Variants in ETFDH observed in about 807,000 individuals in gnomAD.
The protein encoded by ETFDH is electron transfer flavoprotein-ubiquinone oxidoreductase, mitochondrial.
ETFDH carries 61 observed loss-of-function variants against 73.2 expected under a neutral mutation model. The observed-to-expected ratio is 0.83, with a 90% CI of 0.68 to 1.03. The LOEUF is 1.03. Ranked by LOEUF, ETFDH falls within the 50% of genes least tolerant of loss-of-function variation. The probability of loss-of-function intolerance (pLI) is 0.00; values close to 1 mark genes in which losing one functional copy is unlikely to be tolerated. For synonymous variants in ETFDH, 243 were observed against 253.3 expected (o/e 0.96, Z 0.39); for missense variants, 685 against 745.0 (o/e 0.92, Z 0.94).
intron 1 of ETFDH, among the ~76,000 whole-genome samples, chr4:158,676,371 T>C (rs2150302482): frequency 6.6e-6 from 1 of 152,264 alleles, no homozygotes; most frequent in South Asian, 2.1e-4. Context: ...TCTCAAGTAG[T>C]GATCCTAGAT....
rs141180629 is a variant in ETFDH, at chr4:158,708,437, T to C, written c.1764T>C (p.His588=). 143 of 1,611,504 alleles carry C rather than the reference T, an allele frequency of 8.9e-5. No homozygotes were observed. The highest frequency in any genetic ancestry group is 1.3e-4 in the South Asian group (12 of 91,052). The change falls in exon 13 of 13, where the codon CAT becomes CAC. Residue 588 remains histidine (H), a synonymous_variant. Coordinates refer to ENST00000511912, the MANE Select transcript of ETFDH (RefSeq NM_004453.4). The part of the protein sequence containing the change: ...RLQINAQNCV[H]CKTCDIKDPS... The stretch of plus-strand genomic sequence containing the variant: ...AGATAAATGCTCAGAACTGTGTACA[T>C]TGTAAAACATGTGATATTAAAGATC...
At chr4:158,689,669 T>A (rs967338512) in intron 5 of ETFDH, among the ~76,000 whole-genome samples, 1 of 137,594 alleles carries the variant, frequency 7.3e-6, no homozygotes, top group Non-Finnish European at 1.5e-5. Context: ...CCATTGCTGC[T>A]AATCTTTTCT....
At chr4:158,693,758 C>T (rs1774239090) in intron 6 of ETFDH, among the ~76,000 whole-genome samples, 1 of 152,150 alleles carries the variant, frequency 6.6e-6, no homozygotes, top group African/African-American at 2.4e-5. Flanking sequence ...CCTTTTTTAA[C>T]TTAATATATA....
In ETFDH at chr4:158,709,622, A is replaced by G; in HGVS notation, c.*1095A>G. On this transcript the variant is annotated 3_prime_UTR_variant, in exon 13 of 13. Transcript: ENST00000511912. ...CAGTACTCCTAAACTGTAAACAGTA[A>G]GGAACTAAGGTGTCAAAAGAAACAC... is the stretch of plus-strand genomic sequence containing the variant. 1.4e-6 allele frequency: 1 copy of G among 710,254 alleles called. No individual in the cohort carries two copies. Among genetic ancestry groups the G allele is most frequent in the Non-Finnish European group, 2.3e-6 (1 of 429,796 alleles). The allele number at this position is 710,254 out of a possible 1,614,324, so 44.0% of individuals were successfully genotyped here.
In ETFDH at chr4:158,709,019, TTG is replaced by T. The variant is rs55861035; in HGVS notation, c.*530_*531del. The T allele has an allele frequency of 3.2e-3, 483 of 150,648 alleles. 1 individual carries two copies. Among genetic ancestry groups the T allele is most frequent in the Middle Eastern group, 6.9e-3 (2 of 288 alleles). 9.3% of individuals were successfully genotyped at this position (150,648 alleles called of 1,614,324 possible). On this transcript the variant is annotated 3_prime_UTR_variant, in exon 13 of 13. Coordinates refer to ENST00000511912, the MANE Select transcript of ETFDH (RefSeq NM_004453.4). ...GAAGTATGCCCATCCCTGAACAAGT[TTG>T]TGTGTGTGTGTGTGTGTGTGTGTGT...
At chr4:158,706,100 T>G in intron 10 of ETFDH, 89 bp from the exon 11 acceptor site, 1 of 904,602 alleles carries the variant, frequency 1.1e-6, no homozygotes, top group African/African-American at 1.6e-5. Flanking sequence ...AAAACTTCAC[T>G]CATCAGCTAT....
At chr4:158,686,979 C>T (rs1308113815) in intron 5 of ETFDH, among the ~76,000 whole-genome samples, 2 of 152,270 alleles carry the variant, frequency 1.3e-5, no homozygotes, top group South Asian at 2.1e-4. Context: ...AGTTATATGC[C>T]TTTCTTGGTA....
intron 2 of ETFDH, chr4:158,681,845 G>GTA (rs1773867213): frequency 2.9e-6 from 1 of 349,140 alleles, no homozygotes; most frequent in African/African-American, 2.1e-5. Context: ...TATACTCTAT[G>GTA]ATGTTTGCAA....
chr4:158,690,247 G>C (rs1640582658), intron 5 of ETFDH, 101 bp from the exon 6 acceptor site: 1 of 734,730 alleles, frequency 1.4e-6, no homozygotes, highest in African/African-American at 1.8e-5. Flanking sequence ...ATAATCTAGA[G>C]AAGATGTTCA....
At chr4:158,686,680 C>G (rs926826874) in intron 5 of ETFDH, among the ~76,000 whole-genome samples, 3 of 152,162 alleles carry the variant, frequency 2.0e-5, no homozygotes, top group African/African-American at 7.2e-5. Flanking sequence ...GTTTCTATGA[C>G]TCAACCTTGA....
rs1774714975 is a variant in ETFDH, at chr4:158,708,789, G to A, written c.*262G>A. On this transcript the variant is annotated 3_prime_UTR_variant, in exon 13 of 13. Transcript: ENST00000511912. ...AGTACCAAGAGCAAAATTCACTACT[G>A]GACTTTACATTTGACTTGCCAAAGT... 5.1e-6 allele frequency: 2 copies of A among 390,324 alleles called. No individual in the cohort carries two copies. Among genetic ancestry groups the A allele is most frequent in the Non-Finnish European group, 4.7e-6 (1 of 214,014 alleles). The allele number at this position is 390,324 out of a possible 1,614,324, so 24.2% of individuals were successfully genotyped here.
At chr4:158,708,295 A>G (rs1774692283) in intron 12 of ETFDH, 69 bp from the exon 13 acceptor site, 5 of 1,219,556 alleles carry the variant, frequency 4.1e-6, no homozygotes, top group Non-Finnish European at 4.7e-6. Flanking sequence ...TCTTTCCTTA[A>G]TTTTTACTTT....
chr4:158,706,126 C>T, intron 10 of ETFDH, 63 bp from the exon 11 acceptor site: 2 of 1,118,950 alleles, frequency 1.8e-6, no homozygotes, highest in East Asian at 2.3e-5. Context: ...TAGCAAAATA[C>T]TTAGCGTATT....
chr4:158,678,297 A>G (rs1379216024), intron 1 of ETFDH, among the ~76,000 whole-genome samples: 5 of 152,200 alleles, frequency 3.3e-5, no homozygotes, highest in Non-Finnish European at 5.9e-5. Flanking sequence ...TTGTGTCCCA[A>G]GACCTTTACA....
intron 8 of ETFDH, among the ~76,000 whole-genome samples, chr4:158,698,252 A>G (rs1193207222): frequency 1.3e-5 from 2 of 152,214 alleles, no homozygotes; most frequent in Non-Finnish European, 2.9e-5. Context: ...TGTACCTTGC[A>G]ACTGGTGGCA....
chr4:158,702,371 T>C (rs1341796259), intron 9 of ETFDH, among the ~76,000 whole-genome samples: 1 of 152,186 alleles, frequency 6.6e-6, no homozygotes, highest in Non-Finnish European at 1.5e-5. Flanking sequence ...TTTATTATAG[T>C]CACTCTACAG....
intron 6 of ETFDH, among the ~76,000 whole-genome samples, chr4:158,694,474 A>G (rs924386096): frequency 2.0e-5 from 3 of 151,894 alleles, no homozygotes; most frequent in African/African-American, 7.3e-5. Flanking sequence ...GGTGCCTGTA[A>G]TCCCAGCTAC....
chr4:158,699,782 C>T (rs1451103314), intron 9 of ETFDH, among the ~76,000 whole-genome samples: 1 of 152,200 alleles, frequency 6.6e-6, no homozygotes, highest in African/African-American at 2.4e-5. Flanking sequence ...TAGGTTACCT[C>T]TGTTAAGCTT....
At position 158,709,019 on chromosome 4, in the gene ETFDH, TTGTGTGTGTGTGTG is replaced by T. The variant is rs55861035; in HGVS notation, c.*518_*531del. 6.1e-4 allele frequency: 92 copies of T among 150,664 alleles called. No homozygotes were observed. The highest frequency in any genetic ancestry group is 9.6e-4 in the East Asian group (5 of 5,214). The allele number at this position is 150,664 out of a possible 1,614,324, so 9.3% of individuals were successfully genotyped here. A position where few individuals can be genotyped will look rare whatever the true frequency, so the allele number is the denominator to read the frequency against. ...GAAGTATGCCCATCCCTGAACAAGT[TTGTGTGTGTGTGTG>T]TGTGTGTGTGTGTGTGTGTGTGTGT... On this transcript the variant is annotated 3_prime_UTR_variant, in exon 13 of 13. Coordinates refer to ENST00000511912, the MANE Select transcript of ETFDH (RefSeq NM_004453.4).
Sources: allele counts gnomAD v4.1 joint callset (sites outside exome capture counted in the v4.1 genomes callset), GRCh38; gene constraint gnomAD v4.1.1; transcripts MANE v1.5; gene names NCBI Gene and HGNC (gene_info 2026-07-23, HGNC 2026-07-21).